IL1RAPL1: variants seen among roughly 807,000 people sequenced by gnomAD.
The protein encoded by IL1RAPL1 is interleukin 1 receptor accessory protein like 1, also known as interleukin-1 receptor accessory protein-like 1.
A neutral mutation model predicts 48.4 loss-of-function variants in IL1RAPL1; 3 were observed. The ratio of observed to expected loss-of-function variants is 0.06; its 90% CI spans 0.03 to 0.16. The LOEUF is 0.16. Ranked by LOEUF, IL1RAPL1 falls within the 10% of genes least tolerant of loss-of-function variation. The pLI is 1.00. For synonymous variants in IL1RAPL1, 185 were observed against 187.7 expected (o/e 0.99, Z 0.12); for missense variants, 349 against 530.6 (o/e 0.66, Z 3.36).
At chrX:29,725,484 G>A (rs1397522510) in intron 6 of IL1RAPL1, among the ~76,000 whole-genome samples, 1 of 111,324 alleles carries the variant, frequency 9.0e-6, no homozygotes, top group African/African-American at 3.3e-5. Context: ...TAGAACACAC[G>A]ATCGGCCTCC....
In IL1RAPL1 at chrX:29,019,463, G is replaced by C. The variant is rs140910801; in HGVS notation, c.82+230038G>C. Among the ~76,000 whole-genome samples, 965 of 111,319 alleles carry C rather than the reference G, an allele frequency of 8.7e-3. 14 individuals carry two copies. Among genetic ancestry groups the C allele is most frequent in the African/African-American group, 0.031 (935 of 30,593 alleles). On this transcript the variant is annotated intron_variant, in intron 2 of 10. Transcript: ENST00000378993. ...AAAAAAGAACACTGCATTTAGTGAT[G>C]AACGAACAATAGAGCGAGATGGAGG... is the stretch of plus-strand genomic sequence containing the variant.
chrX:29,454,026 C>A (rs1934711024), intron 5 of IL1RAPL1, among the ~76,000 whole-genome samples: 1 of 112,113 alleles, frequency 8.9e-6, no homozygotes, highest in Admixed American at 9.5e-5. Flanking sequence ...AAATAAAGAT[C>A]TGTACCTTTC....
At chrX:29,572,076 C>A (rs773836739) in intron 5 of IL1RAPL1, among the ~76,000 whole-genome samples, 2 of 111,686 alleles carry the variant, frequency 1.8e-5, no homozygotes, top group African/African-American at 3.3e-5. Context: ...AGACTTTTAT[C>A]GTGACAAAAG....
chrX:29,440,507 A>G (rs190375057), intron 5 of IL1RAPL1, among the ~76,000 whole-genome samples: 122 of 111,908 alleles, frequency 1.1e-3, no homozygotes, highest in African/African-American at 3.9e-3. Context: ...CTCCTTGTCA[A>G]AATGGTTTGA....
chrX:29,116,085 A>G (rs994634890), intron 2 of IL1RAPL1, among the ~76,000 whole-genome samples: 8 of 111,275 alleles, frequency 7.2e-5, no homozygotes, highest in Non-Finnish European at 1.3e-4. Context: ...TATTTTGTAT[A>G]CTTTAATCTT....
intron 5 of IL1RAPL1, among the ~76,000 whole-genome samples, chrX:29,615,922 TG>T (rs777461649): frequency 7.9e-4 from 88 of 111,703 alleles, no homozygotes; most frequent in African/African-American, 2.8e-3. Context: ...GTAAAATGTG[TG>T]GTTCCAACAT....
intron 6 of IL1RAPL1, among the ~76,000 whole-genome samples, chrX:29,738,429 T>G (rs1928103451): frequency 9.2e-6 from 1 of 108,491 alleles, no homozygotes; most frequent in Non-Finnish European, 1.9e-5. Flanking sequence ...TTTCATTTCA[T>G]TTCATTTTTT....
chrX:29,682,616 C>T (rs991976800), intron 6 of IL1RAPL1, among the ~76,000 whole-genome samples: 8 of 112,007 alleles, frequency 7.1e-5, no homozygotes, highest in African/African-American at 2.6e-4. Context: ...TGTTGCATTT[C>T]GGACTCTTAG....
At chrX:29,758,480 G>A (rs1569161352) in intron 6 of IL1RAPL1, among the ~76,000 whole-genome samples, 1 of 110,840 alleles carries the variant, frequency 9.0e-6, no homozygotes, top group Non-Finnish European at 1.9e-5. Context: ...ATCACCTGCG[G>A]TCAGGAATTT....
intron 2 of IL1RAPL1, among the ~76,000 whole-genome samples, chrX:28,877,083 A>T (rs763472334): frequency 1.8e-5 from 2 of 111,960 alleles, no homozygotes; most frequent in Non-Finnish European, 3.8e-5. Context: ...CACTTGGCAA[A>T]AGTTTGAAAT....
intron 5 of IL1RAPL1, among the ~76,000 whole-genome samples, chrX:29,401,252 A>C (rs1479319328): frequency 8.9e-6 from 1 of 111,845 alleles, no homozygotes; most frequent in Admixed American, 9.6e-5. Context: ...TATCATAAAT[A>C]CTTATATGTA....
chrX:29,461,790 A>G (rs1235391424), intron 5 of IL1RAPL1, among the ~76,000 whole-genome samples: 1 of 112,300 alleles, frequency 8.9e-6, no homozygotes, highest in African/African-American at 3.2e-5. Context: ...TATTTCCATT[A>G]TATGACATTT....
chrX:28,999,319 T>G (rs1304937101), intron 2 of IL1RAPL1, among the ~76,000 whole-genome samples: 1 of 111,473 alleles, frequency 9.0e-6, no homozygotes, highest in East Asian at 2.8e-4. Flanking sequence ...TTATTTTTCC[T>G]TCATATCAAG....
At chrX:29,496,098 A>G (rs569607939) in intron 5 of IL1RAPL1, among the ~76,000 whole-genome samples, 1 of 111,935 alleles carries the variant, frequency 8.9e-6, no homozygotes, top group Middle Eastern at 4.7e-3. Context: ...ATATTTTAAT[A>G]TACTGTATTT....
rs184997347 is a variant in IL1RAPL1 at position 28,809,606 on chromosome X, T to C, written c.82+20181T>C. Among the ~76,000 whole-genome samples the C allele has an allele frequency of 5.0e-4, 55 of 110,311 alleles. 1 individual carries two copies. Among genetic ancestry groups the C allele is most frequent in the African/African-American group, 1.6e-3 (50 of 30,493 alleles). On this transcript the variant is annotated intron_variant, in intron 2 of 10. Transcript: ENST00000378993. ...ACGAAGAATCATGCAGTGAGTCAAA[T>C]TGTAAAGTTTTCAAAGGGTGCAGAG... is the stretch of plus-strand genomic sequence containing the variant.
intron 2 of IL1RAPL1, among the ~76,000 whole-genome samples, chrX:28,933,050 ATTAAT>A (rs1187362760): frequency 1.8e-5 from 2 of 111,626 alleles, no homozygotes; most frequent in African/African-American, 6.5e-5. Context: ...GAGTGAGTTA[ATTAAT>A]TAATTCTAGG....
chrX:29,699,621 G>A (rs1171475760), intron 6 of IL1RAPL1, among the ~76,000 whole-genome samples: 1 of 112,168 alleles, frequency 8.9e-6, no homozygotes, highest in Admixed American at 9.5e-5. Context: ...AATTTTCCCA[G>A]TGCATAAGTC....
chrX:28,627,311 A>G (rs974612599), intron 1 of IL1RAPL1, among the ~76,000 whole-genome samples: 7 of 112,008 alleles, frequency 6.2e-5, no homozygotes, highest in Middle Eastern at 4.6e-3. Flanking sequence ...CCCAACTTTT[A>G]AAGGATTAAA....
intron 2 of IL1RAPL1, among the ~76,000 whole-genome samples, chrX:28,805,333 A>G (rs1177146935): frequency 9.0e-6 from 1 of 111,700 alleles, no homozygotes; most frequent in Non-Finnish European, 1.9e-5. Context: ...TTATATTTCT[A>G]GTCTATATTT....
Sources: gnomAD v4.1 joint callset for allele counts (sites outside exome capture counted in the v4.1 genomes callset) on GRCh38, gnomAD v4.1.1 for gene constraint, MANE v1.5 for transcripts, NCBI Gene and HGNC (gene_info 2026-07-23, HGNC 2026-07-21) for gene names.